The following AFF3 variants were observed in gnomAD, a reference collection of about 807,000 sequenced individuals.
The protein encoded by AFF3 is ALF transcription elongation factor 3.
A neutral mutation model predicts 129.7 loss-of-function variants in AFF3; 32 were observed. That is an observed-to-expected ratio of 0.25 (90% confidence interval 0.19 to 0.33). The LOEUF is 0.33. Ranked by LOEUF, AFF3 falls within the 10% of genes least tolerant of loss-of-function variation. The pLI is 1.00. For synonymous variants in AFF3, 644 were observed against 635.4 expected, an observed-to-expected ratio of 1.01 and a Z score of -0.20; for missense variants, 1,373 against 1,592.0, an observed-to-expected ratio of 0.86 and a Z score of 2.34.
chr2:99,911,494 G>A (rs753246459), intron 7 of AFF3, among the ~76,000 whole-genome samples: 35 of 152,160 alleles, frequency 2.3e-4, no homozygotes, highest in Non-Finnish European at 3.7e-4. Context: ...CCTTTGACAT[G>A]GAAAAATTCC....
intron 4 of AFF3, among the ~76,000 whole-genome samples, chr2:100,038,826 G>A (rs752194632): frequency 1.8e-4 from 27 of 151,642 alleles, no homozygotes; most frequent in Non-Finnish European, 1.0e-4. Context: ...GGGTTCAAGC[G>A]ATTCTCCTGC....
At chr2:99,597,659 G>T (rs1403046947) in intron 14 of AFF3, among the ~76,000 whole-genome samples, 1 of 152,258 alleles carries the variant, frequency 6.6e-6, no homozygotes, top group Non-Finnish European at 1.5e-5. Context: ...TGAGGCAATT[G>T]TGGCCAAGGA....
chr2:100,057,930 ACT>A (rs1686941873), intron 4 of AFF3, among the ~76,000 whole-genome samples: 1 of 152,204 alleles, frequency 6.6e-6, no homozygotes, highest in Non-Finnish European at 1.5e-5. Context: ...TTGGGAACAC[ACT>A]CTGAAAACTT....
rs932084324 is a variant in AFF3 at position 99,610,075 on chromosome 2, C to G, written c.1185-8454G>C. Among the ~76,000 whole-genome samples, 4 of 152,204 alleles carry G rather than the reference C, an allele frequency of 2.6e-5. 1 individual carries two copies. The highest frequency in any genetic ancestry group is 5.9e-5 in the Non-Finnish European group (4 of 68,042). Reference sequence around the variant, plus strand: ...CCCCACCATGCACCTTGTGACCCCTCCTCTGCTGAGAATAGATAACCACCT... The same window carrying G: ...CCCCACCATGCACCTTGTGACCCCTGCTCTGCTGAGAATAGATAACCACCT... On this transcript the variant is annotated intron_variant, in intron 13 of 24. Transcript: ENST00000672756.
chr2:99,932,904 T>G (rs542900077), intron 7 of AFF3, among the ~76,000 whole-genome samples: 1 of 152,354 alleles, frequency 6.6e-6, no homozygotes, highest in East Asian at 1.9e-4. Context: ...TCTTGTTCTA[T>G]TCCAGATCAT....
At chr2:99,696,478 C>T (rs958277743) in intron 11 of AFF3, among the ~76,000 whole-genome samples, 5 of 152,194 alleles carry the variant, frequency 3.3e-5, no homozygotes, top group African/African-American at 1.2e-4. Flanking sequence ...GTTATATCTG[C>T]ACCCATGTGG....
At chr2:99,883,907 A>AGG (rs1164741389) in intron 7 of AFF3, among the ~76,000 whole-genome samples, 1 of 152,202 alleles carries the variant, frequency 6.6e-6, no homozygotes, top group African/African-American at 2.4e-5. Flanking sequence ...TCTCTATTTC[A>AGG]GGGGCCTTGT....
rs1232070719 is a variant in AFF3 at position 99,700,112 on chromosome 2, T to C, written c.1091+26965A>G. Among the ~76,000 whole-genome samples the C allele has an allele frequency of 6.6e-5, 9 of 137,368 alleles. No homozygotes were observed. The East Asian group carries it at 1.8e-3, about 27-fold the overall frequency. 90.1% of individuals were successfully genotyped at this position (137,368 alleles called of 152,430 possible). A position where few individuals can be genotyped will look rare whatever the true frequency, so the allele number is the denominator to read the frequency against. On this transcript the variant is annotated intron_variant, in intron 11 of 24. Transcript: ENST00000672756. The stretch of plus-strand genomic sequence containing the variant: ...AGAACATCCAGCTGCTGCAACTTGC[T>C]TCAAAGCCTCCTTTTTTTTTTTTTT...
rs201311680 is a variant in AFF3 at position 99,551,585 on chromosome 2, G to T, written c.3570C>A (p.Asn1190Lys). 5.0e-6 allele frequency: 8 copies of T among 1,614,080 alleles called. No individual in the cohort carries two copies. The Admixed American group carries it at 1.3e-4, about 27-fold the overall frequency. ...CCGGCCCCATGAGCAGATCCAGGTC[G>T]TTGAAGAATTCTAGGGGGACAGAAA... ...NLAKENREFF[N>K]DLDLLMGPVT... Residue 1190 changes from asparagine (N) to lysine (K), a missense_variant, in exon 25 of 25, where the codon AAC (asparagine) becomes AAA (lysine). Around this residue, in one of 9 missense-constraint regions of AFF3, gnomAD observed 165 missense variants for 234.0 expected, o/e 0.71. Transcript: ENST00000672756.
At position 100,007,196 on chromosome 2, in the gene AFF3, C is replaced by T; in HGVS notation, c.439G>A (p.Gly147Ser). Residue 147 changes from glycine (G) to serine (S), a missense_variant, in exon 6 of 25, where the codon GGC becomes AGC. By Grantham distance (56) the Gly-to-Ser change is moderately conservative (BLOSUM62 0). This residue lies in a region of AFF3 where 255 missense variants were observed against 256.0 expected (regional missense o/e 1.00). Transcript: ENST00000672756. The stretch of plus-strand genomic sequence containing the variant: ...GGTGGGTGCCCAGCCTTCTGCCAGC[C>T]CATAGTGCCTCTCTTACTCTGCTGC... ...PVQQSKRGTM[G>S]WQKAGHPPSD... 2 of 1,614,130 alleles carry T rather than the reference C, an allele frequency of 1.2e-6. No individual in the cohort carries two copies. Among genetic ancestry groups the T allele is most frequent in the Non-Finnish European group, 1.7e-6 (2 of 1,180,052 alleles).
intron 8 of AFF3, among the ~76,000 whole-genome samples, chr2:99,777,412 T>C (rs1683989874): frequency 6.6e-6 from 1 of 152,160 alleles, no homozygotes; most frequent in African/African-American, 2.4e-5. Flanking sequence ...CTCTGAAGTG[T>C]GCATGTTCAG....
chr2:99,983,842 G>A (rs552802165), intron 7 of AFF3, among the ~76,000 whole-genome samples: 8 of 152,128 alleles, frequency 5.3e-5, no homozygotes, highest in East Asian at 1.9e-4. Flanking sequence ...ACAGAGCTCC[G>A]AAAAGTGCCA....
chr2:99,585,896 T>C (rs532751958), intron 16 of AFF3, among the ~76,000 whole-genome samples: 9 of 151,986 alleles, frequency 5.9e-5, no homozygotes, highest in Admixed American at 2.6e-4. Flanking sequence ...ACCCAGCTAA[T>C]TTTTTTATAT....
chr2:99,995,050 CAT>C, intron 7 of AFF3, among the ~76,000 whole-genome samples: 1 of 152,120 alleles, frequency 6.6e-6, no homozygotes, highest in Non-Finnish European at 1.5e-5. Flanking sequence ...TAATTTAACA[CAT>C]GTGGACACTA....
intron 8 of AFF3, among the ~76,000 whole-genome samples, chr2:99,804,743 A>G (rs148510480): frequency 2.2e-3 from 335 of 152,304 alleles, no homozygotes; most frequent in Non-Finnish European, 3.4e-3. Context: ...ACAGGATACT[A>G]TTTAACCATG....
At chr2:99,586,400 A>G (rs1387694886) in intron 16 of AFF3, among the ~76,000 whole-genome samples, 2 of 152,150 alleles carry the variant, frequency 1.3e-5, no homozygotes, top group Non-Finnish European at 2.9e-5. Flanking sequence ...ACTGCTCTAC[A>G]TCTTTTCCTA....
intron 2 of AFF3, among the ~76,000 whole-genome samples, chr2:100,115,623 C>T (rs907925238): frequency 1.4e-4 from 21 of 152,080 alleles, no homozygotes; most frequent in African/African-American, 4.6e-4. Context: ...TTTGTTCATC[C>T]GTTATATTTT....
At chr2:100,066,451 A>G (rs1355425341) in intron 4 of AFF3, among the ~76,000 whole-genome samples, 1 of 152,194 alleles carries the variant, frequency 6.6e-6, no homozygotes, top group Non-Finnish European at 1.5e-5. Flanking sequence ...TGCCACTTGA[A>G]TAAGAGCCAA....
At chr2:100,139,850 A>C (rs1692789610) in intron 1 of AFF3, among the ~76,000 whole-genome samples, 1 of 152,264 alleles carries the variant, frequency 6.6e-6, no homozygotes, top group East Asian at 1.9e-4. Context: ...ATTGCACTAA[A>C]GGATTTCTAG....
Sources: allele counts gnomAD v4.1 joint callset (sites outside exome capture counted in the v4.1 genomes callset), GRCh38; gene constraint gnomAD v4.1.1; regional missense constraint gnomAD v4.1.1; transcripts MANE v1.5; gene names NCBI Gene and HGNC (gene_info 2026-07-23, HGNC 2026-07-21).